The following RALGAPA1 variants were observed in gnomAD, a reference collection of about 807,000 sequenced individuals.
RALGAPA1 encodes ral GTPase-activating protein subunit alpha-1.
A neutral mutation model predicts 269.6 loss-of-function variants in RALGAPA1; 52 were observed. The ratio of observed to expected loss-of-function variants is 0.19; its 90% CI spans 0.15 to 0.24. The LOEUF (loss-of-function observed/expected upper bound fraction) is 0.24, where lower values mean the gene tolerates loss of function less well. RALGAPA1 is among the 10% of genes least tolerant of loss of function. RALGAPA1 has a pLI of 1.00. For missense variants in RALGAPA1, 1,917 were observed against 3,013.9 expected, an observed-to-expected ratio of 0.64 and a Z score of 8.52; for synonymous variants, 817 against 1,008.3, an observed-to-expected ratio of 0.81 and a Z score of 3.60.
chr14:35,766,107 G>C, intron 4 of RALGAPA1: 1 of 1,060,666 alleles, frequency 9.4e-7, no homozygotes, highest in Non-Finnish European at 1.5e-6. Context: ...TTTAGGATCA[G>C]ATACTGGAGG....
At chr14:35,556,200 T>C (rs1240558117) in intron 39 of RALGAPA1, among the ~76,000 whole-genome samples, 1 of 152,170 alleles carries the variant, frequency 6.6e-6, no homozygotes, top group Non-Finnish European at 1.5e-5. Context: ...TGGGTAGACA[T>C]ATTTTGCAAG....
In RALGAPA1 at chr14:35,795,740, C is replaced by G. The variant is rs570825838; in HGVS notation, c.106+12990G>C. On this transcript the variant is annotated intron_variant, in intron 1 of 41. Coordinates refer to ENST00000680220, the MANE Select transcript of RALGAPA1 (RefSeq NM_001346249.2). Reference sequence around the variant, plus strand: ...CTGTAATCCCAGCACTTTGGGAGGCCAAGGTGGGCAGATCACTTGAGACCA... The same window carrying G: ...CTGTAATCCCAGCACTTTGGGAGGCGAAGGTGGGCAGATCACTTGAGACCA... 5.6e-3 allele frequency among the ~76,000 whole-genome samples: 850 copies of G among 150,966 alleles called. 4 individuals carry two copies. Among genetic ancestry groups the G allele is most frequent in the Non-Finnish European group, 0.011 (718 of 67,836 alleles).
intron 20 of RALGAPA1, 120 bp downstream of exon 20, chr14:35,684,805 TAACG>T: frequency 2.1e-6 from 2 of 966,906 alleles, no homozygotes; most frequent in African/African-American, 1.7e-5. Flanking sequence ...TTTTTTTTTC[TAACG>T]TGGGAGCCAC....
chr14:35,669,347 T>C (rs2064212215), intron 26 of RALGAPA1, among the ~76,000 whole-genome samples: 1 of 152,112 alleles, frequency 6.6e-6, no homozygotes, highest in Admixed American at 6.5e-5. Flanking sequence ...CTCTGCCTCC[T>C]GGGTTCAAGC....
chr14:35,658,258 T>A (rs2063327595), intron 28 of RALGAPA1, among the ~76,000 whole-genome samples: 1 of 152,192 alleles, frequency 6.6e-6, no homozygotes, highest in Admixed American at 6.5e-5. Flanking sequence ...TACAATTAAA[T>A]TTTTAAAAAC....
chr14:35,608,005 T>C (rs2059695440), intron 35 of RALGAPA1, among the ~76,000 whole-genome samples: 1 of 152,118 alleles, frequency 6.6e-6, no homozygotes. Context: ...AGGTAAATCC[T>C]CACTGGCACT....
intron 16 of RALGAPA1, among the ~76,000 whole-genome samples, chr14:35,706,092 G>A (rs752237929): frequency 2.0e-5 from 3 of 152,050 alleles, no homozygotes; most frequent in East Asian, 1.9e-4. Context: ...GTGACTTGTC[G>A]TTTCATTCCC....
At chr14:35,574,814 C>T (rs536435907) in intron 37 of RALGAPA1, among the ~76,000 whole-genome samples, 2 of 152,098 alleles carry the variant, frequency 1.3e-5, no homozygotes, top group African/African-American at 4.8e-5. Context: ...TATTCCTTAT[C>T]TCTATGGACT....
Position 35,688,552 on chromosome 14 carries a change from C to T in RALGAPA1, c.3859G>A (p.Val1287Ile). The change falls in exon 18 of 42, where the codon GTT becomes ATT. Residue 1287 changes from valine to isoleucine, a missense_variant. Val to Ile is a conservative substitution (Grantham distance 29). Transcript: ENST00000680220. Reference sequence around the variant, plus strand: ...ATTCTGTTCTGCCTCTGTGGGGAAACATTTGCCTTCGGCTTCGAAAGAGCA... The same window carrying T: ...ATTCTGTTCTGCCTCTGTGGGGAAATATTTGCCTTCGGCTTCGAAAGAGCA... ...VHALSKPKAN[V>I]SPQRQNRMPP... is the part of the protein sequence containing the mutation. 1 of 1,536,112 alleles carries T rather than the reference C, an allele frequency of 6.5e-7. No individual in the cohort carries two copies. Among genetic ancestry groups the T allele is most frequent in the Non-Finnish European group, 8.7e-7 (1 of 1,146,876 alleles).
intron 41 of RALGAPA1, among the ~76,000 whole-genome samples, chr14:35,542,915 T>C (rs572808527): frequency 4.6e-5 from 7 of 152,244 alleles, no homozygotes; most frequent in Non-Finnish European, 8.8e-5. Context: ...ATAGGGATTA[T>C]AAGAGGGAGC....
At chr14:35,625,492 C>A in intron 34 of RALGAPA1, 60 bp from the exon 35 acceptor site, 2 of 1,249,970 alleles carry the variant, frequency 1.6e-6, no homozygotes, top group South Asian at 1.4e-5. Flanking sequence ...AAGACAGTCC[C>A]GGAAATACTT....
chr14:35,742,257 A>T (rs2071628046), intron 11 of RALGAPA1, 111 bp downstream of exon 11: 1 of 849,088 alleles, frequency 1.2e-6, no homozygotes, highest in South Asian at 1.7e-5. Context: ...ACTGAAAGAT[A>T]TCTTTATCTT....
At chr14:35,573,568 C>T (rs186228845) in intron 37 of RALGAPA1, among the ~76,000 whole-genome samples, 7 of 152,184 alleles carry the variant, frequency 4.6e-5, no homozygotes, top group Middle Eastern at 3.4e-3. Context: ...AGCTAACATA[C>T]GGGCAATTTC....
chr14:35,602,816 C>G (rs1017889664), intron 36 of RALGAPA1, among the ~76,000 whole-genome samples: 7 of 152,126 alleles, frequency 4.6e-5, no homozygotes, highest in African/African-American at 1.7e-4. Flanking sequence ...AAATCCTTTG[C>G]AAAATCCAAG....
chr14:35,743,008 C>G (rs1157419721), intron 10 of RALGAPA1, among the ~76,000 whole-genome samples: 1 of 152,200 alleles, frequency 6.6e-6, no homozygotes, highest in African/African-American at 2.4e-5. Context: ...CAATCACATA[C>G]ACCCCAACAC....
At chr14:35,557,434 A>AT in intron 39 of RALGAPA1, among the ~76,000 whole-genome samples, 1 of 152,124 alleles carries the variant, frequency 6.6e-6, no homozygotes, top group Non-Finnish European at 1.5e-5. Context: ...AAAAAAAGTG[A>AT]TTTTATTATC....
chr14:35,729,325 T>C (rs903731196), intron 12 of RALGAPA1, among the ~76,000 whole-genome samples: 1 of 152,044 alleles, frequency 6.6e-6, no homozygotes, highest in South Asian at 2.1e-4. Flanking sequence ...TCAACACTTA[T>C]GACTGAAAAC....
intron 36 of RALGAPA1, among the ~76,000 whole-genome samples, chr14:35,601,824 T>C (rs530496361): frequency 9.6e-4 from 146 of 152,360 alleles, no homozygotes; most frequent in Admixed American, 2.7e-3. Context: ...TATATCTATT[T>C]GACTTTCCCA....
At chr14:35,714,868 T>C (rs553878564) in intron 16 of RALGAPA1, among the ~76,000 whole-genome samples, 2 of 152,348 alleles carry the variant, frequency 1.3e-5, no homozygotes, top group Admixed American at 6.5e-5. Flanking sequence ...TACACAATTC[T>C]ATAATGATAG....
Sources: allele counts gnomAD v4.1 joint callset (sites outside exome capture counted in the v4.1 genomes callset), GRCh38; gene constraint gnomAD v4.1.1; transcripts MANE v1.5; gene names NCBI Gene and HGNC (gene_info 2026-07-23, HGNC 2026-07-21).